Variants in CROCC2 observed in about 807,000 individuals in gnomAD.
CROCC2 encodes ciliary rootlet coiled-coil protein 2.
In CROCC2, 163 loss-of-function variants were observed where a neutral mutation model predicts 177.6. That is an observed-to-expected ratio of 0.92 (90% CI 0.81 to 1.05). CROCC2 has a LOEUF of 1.05. CROCC2 is among the 50% of genes least tolerant of loss of function. The pLI, the probability that CROCC2 is intolerant of heterozygous loss-of-function variation, is 0.00. For missense variants in CROCC2, 1,929 were observed against 1,797.8 expected (o/e 1.07, Z -1.32); for synonymous variants, 904 against 787.3 (o/e 1.15, Z -2.48).
rs1359860340 is a variant in CROCC2, at chr2:240,959,422, A to G, written c.3065A>G (p.Glu1022Gly). ...GAGAGCCTCCAGGACCTAGCGGCTG[A>G]GCGGGGCGATGTGGAGAGAGAGGTG... ...LRESLQDLAA[E>G]RGDVEREAER... is the part of the protein sequence containing the mutation. Residue 1022 changes from glutamate (E) to glycine (G), a missense_variant, in exon 20 of 32, where the codon GAG (glutamate) becomes GGG (glycine). By Grantham distance (98) the Glu-to-Gly change is moderately conservative. Around this residue, in one of 3 missense-constraint regions of CROCC2, gnomAD observed 1,397 missense variants for 1,239.9 expected, o/e 1.13. Transcript: ENST00000690015. 6 of 1,550,224 alleles carry G rather than the reference A, an allele frequency of 3.9e-6. No homozygotes were observed. In the South Asian group the frequency reaches 7.1e-5, roughly 18 times the overall value.
intron 3 of CROCC2, among the ~76,000 whole-genome samples, chr2:240,920,498 G>A (rs577811821): frequency 6.6e-6 from 1 of 152,322 alleles, no homozygotes; most frequent in South Asian, 2.1e-4. Flanking sequence ...GCTCTGCCCA[G>A]CACTGGCACA....
At chr2:240,941,538 C>T (rs1488381818) in intron 14 of CROCC2, among the ~76,000 whole-genome samples, 1 of 152,116 alleles carries the variant, frequency 6.6e-6, no homozygotes, top group Non-Finnish European at 1.5e-5. Context: ...TACTTACAGT[C>T]AACTGATGTT....
Position 240,968,272 on chromosome 2 carries a change from G to A in CROCC2, c.4401+10G>A. ...GAAGCGGCGGCTGCAGGTGGGGCAG[G>A]CGGCAGGGTGGGTCCCAGGTGGGGC... On this transcript the variant is annotated intron_variant, in intron 27 of 31. Transcript: ENST00000690015. 6.6e-7 allele frequency: 1 copy of A among 1,523,780 alleles called. No individual in the cohort carries two copies. The highest frequency in any genetic ancestry group is 8.8e-7 in the Non-Finnish European group (1 of 1,141,136). 94.4% of individuals were successfully genotyped at this position (1,523,780 alleles called of 1,614,324 possible). A position where few individuals can be genotyped will look rare whatever the true frequency, so the allele number is the denominator to read the frequency against.
At position 240,982,024 on chromosome 2, in the gene CROCC2, A is replaced by G. The variant is rs1489687408; in HGVS notation, c.4402-856A>G. ...ACAGGGAGGCAGGATTCCTGCAAGCAGGAGGAGAAGGCAGCAGCGTAGGGT... is the reference window on the plus strand; with the variant it reads ...ACAGGGAGGCAGGATTCCTGCAAGCGGGAGGAGAAGGCAGCAGCGTAGGGT... On this transcript the variant is annotated intron_variant, in intron 27 of 31. Coordinates refer to ENST00000690015, the MANE Select transcript of CROCC2 (RefSeq NM_001351305.2). This position sits in a 1 kb window ranked among gnomAD's most constrained non-coding sequence, Gnocchi z 4.7. 6.6e-6 allele frequency: 1 copy of G among 151,964 alleles called. No homozygotes were observed. The highest frequency in any genetic ancestry group is 2.4e-5 in the African/African-American group (1 of 41,368). 9.4% of individuals were successfully genotyped at this position (151,964 alleles called of 1,614,324 possible).
intron 15 of CROCC2, among the ~76,000 whole-genome samples, chr2:240,947,202 T>C (rs972437972): frequency 6.6e-6 from 1 of 152,234 alleles, no homozygotes; most frequent in Non-Finnish European, 1.5e-5. Flanking sequence ...CAGACAAACC[T>C]CTTCTCCAAA....
At position 240,946,068 on chromosome 2, in the gene CROCC2, C is replaced by G; in HGVS notation, c.2178C>G (p.Cys726Trp). ...QLQEQVGQVT[C>W]QKQALEEQLA... ...CTCCCCACCTCCCCTAGGTCACATG[C>G]CAGAAACAGGCCCTGGAGGAGCAGC... Residue 726 changes from cysteine to tryptophan, a missense_variant, in exon 15 of 32, where the codon TGC (cysteine) becomes TGG (tryptophan). Transcript: ENST00000690015. 1 of 1,512,562 alleles carries G rather than the reference C, an allele frequency of 6.6e-7. No homozygotes were observed. The allele number at this position is 1,512,562 out of a possible 1,614,324, so 93.7% of individuals were successfully genotyped here.
intron 20 of CROCC2, among the ~76,000 whole-genome samples, chr2:240,961,819 A>ACT (rs1553661647): frequency 2.8e-5 from 1 of 35,306 alleles, no homozygotes; most frequent in Admixed American, 2.2e-4. Context: ...ACATACACTC[A>ACT]CACACACGCA....
chr2:240,973,694 A>T lies in CROCC2; in HGVS notation c.4401+5432A>T, dbSNP rs1343512108. On this transcript the variant is annotated intron_variant, in intron 27 of 31. Coordinates refer to ENST00000690015, the MANE Select transcript of CROCC2 (RefSeq NM_001351305.2). This position sits in a 1 kb window ranked among gnomAD's most constrained non-coding sequence, Gnocchi z 4.7. ...GAGCAGCTTAGGGCCAGCGGGGCCCACAAGGTGGACACTGAGCCACAGTCA... is the reference window on the plus strand; with the variant it reads ...GAGCAGCTTAGGGCCAGCGGGGCCCTCAAGGTGGACACTGAGCCACAGTCA... Among the ~76,000 whole-genome samples, 18 of 152,256 alleles carry T rather than the reference A, an allele frequency of 1.2e-4. No homozygotes were observed. The highest frequency in any genetic ancestry group is 1.2e-3 in the Admixed American group (18 of 15,284).
rs767324312 is a variant in CROCC2 at position 240,932,716 on chromosome 2, C to T, written c.1059C>T (p.Asp353=). The part of the protein sequence containing the change: ...TDLQNLVAQE[D]ARCLELAGSS... ...GCACCTTGAAGGTGGCCCAGGAGGA[C>T]GCCCGGTGCCTGGAGCTGGCAGGTA... is the stretch of plus-strand genomic sequence containing the variant. The change falls in exon 9 of 32, where the codon GAC becomes GAT. Residue 353 remains aspartate (D), a synonymous_variant. Transcript: ENST00000690015. 29 of 805,238 alleles carry T rather than the reference C, an allele frequency of 3.6e-5. No individual in the cohort carries two copies. Among genetic ancestry groups the T allele is most frequent in the South Asian group, 2.2e-4 (15 of 69,204 alleles). The allele number at this position is 805,238 out of a possible 1,614,324, so 49.9% of individuals were successfully genotyped here.
intron 28 of CROCC2, among the ~76,000 whole-genome samples, chr2:240,988,529 C>T (rs1365520544): frequency 6.6e-6 from 1 of 152,184 alleles, no homozygotes; most frequent in Non-Finnish European, 1.5e-5. Context: ...CCCTATGCTC[C>T]TCCTTAAGCT....
chr2:240,971,705 G>A (rs1194752700), intron 27 of CROCC2, among the ~76,000 whole-genome samples: 1 of 151,940 alleles, frequency 6.6e-6, no homozygotes, highest in African/African-American at 2.4e-5. Context: ...TCCTTCCACT[G>A]TAAAAAAAAC....
chr2:240,986,683 G>T (rs1047701150), intron 28 of CROCC2, among the ~76,000 whole-genome samples: 20 of 152,224 alleles, frequency 1.3e-4, no homozygotes, highest in African/African-American at 4.8e-4. Context: ...CATCCGTGGA[G>T]CCTGGGGGAC....
intron 19 of CROCC2, chr2:240,957,885 T>C (rs1559604364): frequency 1.3e-6 from 1 of 762,138 alleles, no homozygotes; most frequent in Non-Finnish European, 1.6e-6. Context: ...AGCAGCTCTC[T>C]TGGCTCCACC....
At chr2:240,933,577 C>A in intron 10 of CROCC2, 93 bp from the exon 11 acceptor site, 1 of 1,400,354 alleles carries the variant, frequency 7.1e-7, no homozygotes, top group Non-Finnish European at 9.7e-7. Context: ...GTCTCAGGGG[C>A]TGGCATCCAC....
At chr2:240,957,737 G>A (rs547851119) in intron 19 of CROCC2, 2 of 153,532 alleles carry the variant, frequency 1.3e-5, no homozygotes, top group African/African-American at 2.4e-5. Context: ...GCCCAGGGGA[G>A]ACTTGCCCCT....
At chr2:240,964,213 G>A in intron 21 of CROCC2, 2 of 575,018 alleles carry the variant, frequency 3.5e-6, no homozygotes, top group South Asian at 2.1e-5. Flanking sequence ...ACAGAGAGGG[G>A]GAGACAGGGA....
At position 240,963,873 on chromosome 2, in the gene CROCC2, G is replaced by A. The variant is rs375845772; in HGVS notation, c.3305+100G>A. On this transcript the variant is annotated intron_variant, in intron 21 of 31. Coordinates refer to ENST00000690015, the MANE Select transcript of CROCC2 (RefSeq NM_001351305.2). ...CAAGGGGGCTAGGCAGGGGCGTCCT[G>A]TTGACTTGGGCCCCACTGATGGTGG... is the stretch of plus-strand genomic sequence containing the variant. The A allele has an allele frequency of 1.3e-5, 16 of 1,273,254 alleles. 1 individual carries two copies. The East Asian group carries it at 1.3e-4, about 10-fold the overall frequency. The allele number at this position is 1,273,254 out of a possible 1,614,324, so 78.9% of individuals were successfully genotyped here. A position where few individuals can be genotyped will look rare whatever the true frequency, so the allele number is the denominator to read the frequency against.
At chr2:240,930,850 C>T (rs2059424553) in intron 6 of CROCC2, 81 bp from the exon 7 acceptor site, 3 of 612,568 alleles carry the variant, frequency 4.9e-6, no homozygotes, top group Middle Eastern at 5.3e-4. Flanking sequence ...AGGAGGGGGT[C>T]CTCTGTGGGG....
rs536574348 is a variant in CROCC2 at position 240,945,093 on chromosome 2, T to C, written c.2170-967T>C. Among the ~76,000 whole-genome samples the C allele has an allele frequency of 4.6e-5, 7 of 152,276 alleles. No individual in the cohort carries two copies. The East Asian group carries it at 1.2e-3, about 25-fold the overall frequency. ...CTGGGATTACAGGTGTGTGCCATCG[T>C]GCCTGGCTAATTTTTGTATTTTTAG... is the stretch of plus-strand genomic sequence containing the variant. On this transcript the variant is annotated intron_variant, in intron 14 of 31. Coordinates refer to ENST00000690015, the MANE Select transcript of CROCC2 (RefSeq NM_001351305.2).
Sources: allele counts gnomAD v4.1 joint callset (sites outside exome capture counted in the v4.1 genomes callset), GRCh38; gene constraint gnomAD v4.1.1; regional missense constraint gnomAD v4.1.1; non-coding constraint Gnocchi (gnomAD v3.1); transcripts MANE v1.5; gene names NCBI Gene and HGNC (gene_info 2026-07-23, HGNC 2026-07-21).